ATP2C1: variants seen among roughly 807,000 people sequenced by gnomAD.
The protein encoded by ATP2C1 is calcium-transporting ATPase type 2C member 1.
ATP2C1 carries 31 observed loss-of-function variants against 120.5 expected under a neutral mutation model. The ratio of observed to expected loss-of-function variants is 0.26; its 90% CI spans 0.19 to 0.35. The LOEUF (loss-of-function observed/expected upper bound fraction) is 0.35, where lower values mean the gene tolerates loss of function less well. Among genes scored for constraint, ATP2C1 ranks in the 10% least tolerant of loss-of-function variants. The probability of loss-of-function intolerance (pLI) is 1.00; values close to 1 mark genes in which losing one functional copy is unlikely to be tolerated. For synonymous variants in ATP2C1, 351 were observed against 358.7 expected, an observed-to-expected ratio of 0.98 and a Z score of 0.24; for missense variants, 731 against 1,107.5, an observed-to-expected ratio of 0.66 and a Z score of 4.83.
At chr3:130,911,118 A>G (rs1265480948) in intron 2 of ATP2C1, among the ~76,000 whole-genome samples, 4 of 150,478 alleles carry the variant, frequency 2.7e-5, no homozygotes, top group African/African-American at 9.8e-5. Flanking sequence ...TATTGCCACA[A>G]TTTCAGCTCC....
chr3:130,907,616 G>A (rs1460547566), intron 2 of ATP2C1, among the ~76,000 whole-genome samples: 2 of 151,716 alleles, frequency 1.3e-5, no homozygotes, highest in African/African-American at 4.8e-5. Context: ...ATTCTATTCT[G>A]TTGGTTTATA....
intron 22 of ATP2C1, among the ~76,000 whole-genome samples, chr3:130,995,171 T>C (rs1396106948): frequency 1.3e-5 from 2 of 152,102 alleles, no homozygotes; most frequent in African/African-American, 4.8e-5. Flanking sequence ...GCCAGCACTT[T>C]GGGAGGCTGA....
rs116882641 is a variant in ATP2C1 at position 130,993,120 on chromosome 3, C to T, written c.1890+119C>T. ...AGGTCAGAAATACTGTGAAGCAAAA[C>T]AGTTTTTTTTTTTTGTAAGAGCTTG... On this transcript the variant is annotated intron_variant, in intron 21 of 27. Coordinates refer to ENST00000510168, the MANE Select transcript of ATP2C1 (RefSeq NM_001378687.1). 6.2e-4 allele frequency: 499 copies of T among 803,896 alleles called. No homozygotes were observed. In the East Asian group the frequency reaches 0.014, roughly 22 times the overall value. 49.8% of individuals were successfully genotyped at this position (803,896 alleles called of 1,614,324 possible).
intron 16 of ATP2C1, among the ~76,000 whole-genome samples, chr3:130,968,840 G>A (rs113453108): frequency 1.3e-5 from 2 of 152,284 alleles, no homozygotes; most frequent in Admixed American, 6.5e-5. Flanking sequence ...ATGACTGGTA[G>A]TATTCAGGAT....
At chr3:130,940,933 T>TTTTTA in intron 7 of ATP2C1, among the ~76,000 whole-genome samples, 1 of 144,176 alleles carries the variant, frequency 6.9e-6, no homozygotes, top group Non-Finnish European at 1.5e-5. Flanking sequence ...TTTTTTTTTT[T>TTTTTA]AGATGGAGTC....
At chr3:130,885,650 CCTG>C (rs2068949628) in intron 1 of ATP2C1, among the ~76,000 whole-genome samples, 1 of 151,800 alleles carries the variant, frequency 6.6e-6, no homozygotes, top group Non-Finnish European at 1.5e-5. Context: ...ACTTTGTCCC[CCTG>C]CTTTTTAACG....
rs532853402 is a variant in ATP2C1 at position 130,979,378 on chromosome 3, A to T, written c.1700A>T (p.Lys567Ile). 2 of 1,613,752 alleles carry T rather than the reference A, an allele frequency of 1.2e-6. No homozygotes were observed. The highest frequency in any genetic ancestry group is 2.7e-5 in the African/African-American group (2 of 75,022). The change falls in exon 19 of 28, where the codon AAA becomes ATA. Residue 567 changes from lysine to isoleucine, a missense_variant. By Grantham distance (102) the Lys-to-Ile change is moderately radical. Around this residue, in one of 3 missense-constraint regions of ATP2C1, gnomAD observed 571 missense variants for 845.9 expected, o/e 0.67. Coordinates refer to ENST00000510168, the MANE Select transcript of ATP2C1 (RefSeq NM_001378687.1). ...TTLIASGVSI[K>I]MITGDSQETA... ...CTCATTGCCTCAGGAGTATCAATAA[A>T]AATGATTACTGGAGATTCACAGGAG...
At chr3:130,925,277 T>C (rs2059152717) in intron 2 of ATP2C1, among the ~76,000 whole-genome samples, 1 of 152,196 alleles carries the variant, frequency 6.6e-6, no homozygotes, top group Non-Finnish European at 1.5e-5. Context: ...TCCCTTGATG[T>C]GGTGTTCTCC....
At position 130,993,021 on chromosome 3, in the gene ATP2C1, A is replaced by T; in HGVS notation, c.1890+20A>T. 2 of 1,604,532 alleles carry T rather than the reference A, an allele frequency of 1.2e-6. No individual in the cohort carries two copies. The highest frequency in any genetic ancestry group is 1.7e-6 in the Non-Finnish European group (2 of 1,171,764). On this transcript the variant is annotated intron_variant, in intron 21 of 27. Coordinates refer to ENST00000510168, the MANE Select transcript of ATP2C1 (RefSeq NM_001378687.1). ...ATTAAGGTGAGTGTGTAAGAATCAG[A>T]TTGTTTTATTTCTGTATACAAAATG...
At chr3:130,856,469 C>T (rs2067844359) in intron 1 of ATP2C1, among the ~76,000 whole-genome samples, 1 of 152,140 alleles carries the variant, frequency 6.6e-6, no homozygotes, top group Non-Finnish European at 1.5e-5. Context: ...TTCACTACAA[C>T]TTGATTTAAG....
Position 130,940,650 on chromosome 3 carries a change from T to C in ATP2C1, c.381T>C (p.Ser127=). Residue 127 remains serine, a synonymous_variant, in exon 7 of 28, where the codon TCT becomes TCC. Coordinates refer to ENST00000510168, the MANE Select transcript of ATP2C1 (RefSeq NM_001378687.1). ...AFVQEYRSEK[S]LEELSKLVPP... is the part of the protein sequence containing the mutation. ...AATAGGAATATCGTTCAGAAAAATC[T>C]CTTGAAGAATTGAGTAAACTTGTGC... 2 of 1,612,440 alleles carry C rather than the reference T, an allele frequency of 1.2e-6. No individual in the cohort carries two copies. Among genetic ancestry groups the C allele is most frequent in the Non-Finnish European group, 1.7e-6 (2 of 1,178,740 alleles).
In ATP2C1 at chr3:130,951,227, G is replaced by A. The variant is rs981426730; in HGVS notation, c.532-2594G>A. Among the ~76,000 whole-genome samples the A allele has an allele frequency of 2.6e-5, 4 of 152,004 alleles. No homozygotes were observed. The South Asian group carries it at 6.2e-4, about 24-fold the overall frequency. ...TTTCTATAAGTGGTTACAAAATTGG[G>A]GAGGAGAAATAATTTGCAGATTGAT... On this transcript the variant is annotated intron_variant, in intron 8 of 27. Coordinates refer to ENST00000510168, the MANE Select transcript of ATP2C1 (RefSeq NM_001378687.1).
chr3:130,939,248 T>C (rs1388992889), intron 6 of ATP2C1, among the ~76,000 whole-genome samples: 1 of 152,228 alleles, frequency 6.6e-6, no homozygotes, highest in Non-Finnish European at 1.5e-5. Flanking sequence ...CTTAATACTT[T>C]ATCATTATTT....
intron 1 of ATP2C1, among the ~76,000 whole-genome samples, chr3:130,851,454 C>T (rs2067672940): frequency 1.3e-5 from 2 of 152,152 alleles, no homozygotes; most frequent in Non-Finnish European, 2.9e-5. Context: ...AGGTAGAGCA[C>T]TGCCATATTC....
exon 1 of ATP2C1, chr3:130,850,622 T>C (rs570785938): frequency 5.9e-5 from 24 of 404,668 alleles, no homozygotes; most frequent in Non-Finnish European, 8.8e-5. Context: ...TTCTAGACAG[T>C]GTTCATACTT....
intron 12 of ATP2C1, 162 bp downstream of exon 12, chr3:130,959,503 G>C: frequency 2.0e-6 from 1 of 495,648 alleles, no homozygotes; most frequent in South Asian, 2.7e-5. Context: ...ATTATCCTTA[G>C]AAAAATGAAA....
intron 26 of ATP2C1, among the ~76,000 whole-genome samples, chr3:131,015,743 G>A (rs539473824): frequency 2.8e-4 from 43 of 152,226 alleles, no homozygotes; most frequent in African/African-American, 9.9e-4. Context: ...AGAGTAACAG[G>A]ACTAGAGTGA....
chr3:130,887,062 G>T (rs1017942951), intron 1 of ATP2C1, among the ~76,000 whole-genome samples: 6 of 152,202 alleles, frequency 3.9e-5, no homozygotes, highest in Non-Finnish European at 8.8e-5. Flanking sequence ...GCCTAGTAAG[G>T]TTGTGGTTCT....
exon 27 of ATP2C1, chr3:131,016,482 G>A (rs2063639297): frequency 1.1e-6 from 1 of 903,732 alleles, no homozygotes; most frequent in Non-Finnish European, 1.7e-6. Flanking sequence ...CTTCATAAAT[G>A]CCTTGCTGTA....
Sources: gnomAD v4.1 joint callset for allele counts (sites outside exome capture counted in the v4.1 genomes callset) on GRCh38, gnomAD v4.1.1 for gene constraint, gnomAD v4.1.1 regional missense constraint, MANE v1.5 for transcripts, NCBI Gene and HGNC (gene_info 2026-07-23, HGNC 2026-07-21) for gene names.